Variants in SORL1 observed in about 807,000 individuals in gnomAD.
SORL1 encodes the protein sortilin related receptor 1.
SORL1 carries 127 observed loss-of-function variants against 273.7 expected under a neutral mutation model. The ratio of observed to expected loss-of-function variants is 0.46; its 90% confidence interval spans 0.40 to 0.54. SORL1 has a LOEUF of 0.54. Ranked by LOEUF, SORL1 falls within the 20% of genes least tolerant of loss-of-function variation. SORL1 has a pLI of 0.00. For synonymous variants in SORL1, 1,031 were observed against 1,067.4 expected (o/e 0.97, Z 0.66); for missense variants, 2,494 against 2,846.1 (o/e 0.88, Z 2.81).
Position 121,529,257 on chromosome 11 carries a change from C to T in SORL1, c.1597-3207C>T, listed in dbSNP as rs144825577. On this transcript the variant is annotated intron_variant, in intron 11 of 47. Coordinates refer to ENST00000260197, the MANE Select transcript of SORL1 (RefSeq NM_003105.6). The stretch of plus-strand genomic sequence containing the variant: ...TTTGAGTTGGTGTCTTACTCTGTCA[C>T]CCAGGCTGGAGTGCAATGGTATGAT... 5.3e-5 allele frequency among the ~76,000 whole-genome samples: 8 copies of T among 152,260 alleles called. 1 individual carries two copies. In the East Asian group the frequency reaches 1.5e-3, roughly 29 times the overall value.
At chr11:121,623,336 T>C (rs577622282) in intron 45 of SORL1, among the ~76,000 whole-genome samples, 27 of 152,222 alleles carry the variant, frequency 1.8e-4, no homozygotes, top group Non-Finnish European at 2.9e-4. Context: ...GAATATGAAT[T>C]GGTTCAAACT....
chr11:121,577,117 G>A, intron 24 of SORL1, 164 bp from the exon 25 acceptor site: 1 of 1,120,800 alleles, frequency 8.9e-7, no homozygotes, highest in Non-Finnish European at 1.3e-6. Context: ...ACTGGAAGCT[G>A]TTAAATGACC....
rs763929406 is a variant in SORL1, at chr11:121,469,993, T to C, written c.286-14T>C. 8.3e-6 allele frequency: 13 copies of C among 1,572,740 alleles called. No homozygotes were observed. Among genetic ancestry groups the C allele is most frequent in the Non-Finnish European group, 9.6e-6 (11 of 1,142,252 alleles). ...CTTATCGTGGGTCCTAATTCCTACA[T>C]TGATCTCTTTCAGGTTAGTCTGAAT... On this transcript the variant is annotated splice_polypyrimidine_tract_variant and intron_variant, in intron 1 of 47. Coordinates refer to ENST00000260197, the MANE Select transcript of SORL1 (RefSeq NM_003105.6).
chr11:121,576,895 G>A (rs781201650), intron 24 of SORL1: 1 of 1,535,676 alleles, frequency 6.5e-7, no homozygotes, highest in South Asian at 1.2e-5. Context: ...GGCTGTGTCT[G>A]TAGGAGTCCT....
chr11:121,524,901 TC>T (rs1862097910), intron 11 of SORL1, among the ~76,000 whole-genome samples: 1 of 151,972 alleles, frequency 6.6e-6, no homozygotes, highest in Admixed American at 6.6e-5. Flanking sequence ...TCCTCAGAAT[TC>T]CGTTTTTGTG....
chr11:121,520,631 C>T, intron 8 of SORL1, 26 bp from the exon 9 acceptor site: 1 of 1,483,796 alleles, frequency 6.7e-7, no homozygotes, highest in Non-Finnish European at 9.1e-7. Context: ...AATTCAGGTT[C>T]ATAGCTGTTT....
intron 5 of SORL1, among the ~76,000 whole-genome samples, chr11:121,492,869 T>A (rs1861575792): frequency 1.3e-5 from 2 of 151,264 alleles, no homozygotes; most frequent in Non-Finnish European, 2.9e-5. Flanking sequence ...AGTGGCGTGA[T>A]CTTGGCTCAC....
intron 45 of SORL1, 40 bp downstream of exon 45, chr11:121,622,308 A>G (rs760548499): frequency 5.3e-6 from 6 of 1,136,108 alleles, no homozygotes; most frequent in African/African-American, 1.5e-5. Context: ...TGGAAATTTA[A>G]TTGAAATGCT....
At position 121,558,615 on chromosome 11, in the gene SORL1, A is replaced by T. The variant is rs755489248; in HGVS notation, c.2688A>T (p.Gly896=). 1 of 1,614,078 alleles carries T rather than the reference A, an allele frequency of 6.2e-7. No individual in the cohort carries two copies. The highest frequency in any genetic ancestry group is 8.5e-7 in the Non-Finnish European group (1 of 1,180,004). The change falls in exon 20 of 48, where the codon GGA becomes GGT. Residue 896 remains glycine (G), a synonymous_variant. Transcript: ENST00000260197. ...QEGVMFWTDW[G]DLKPGIYRSN... ...GGGTGATGTTCTGGACAGACTGGGG[A>T]GACCTGAAGCCTGGGATTTATCGGA...
chr11:121,629,213 G>C (rs893536839), intron 47 of SORL1: 6 of 434,874 alleles, frequency 1.4e-5, no homozygotes, highest in Non-Finnish European at 2.5e-5. Context: ...TTTTGAGTAG[G>C]TAATAAGAGT....
Position 121,478,242 on chromosome 11 carries a change from GGGTAA to G in SORL1, c.528+2_528+6del. 1 of 1,613,814 alleles carries G rather than the reference GGGTAA, an allele frequency of 6.2e-7. No homozygotes were observed. Among genetic ancestry groups the G allele is most frequent in the South Asian group, 1.1e-5 (1 of 91,064 alleles). ...TACCACAGCCCTGCGGACAACAAGC[GGGTAA>G]GGAAGTGGCCATCCCTCCTGTCCCG... On this transcript the variant is annotated splice_donor_variant and splice_donor_region_variant and coding_sequence_variant and intron_variant, in exon 3 of 48. Transcript: ENST00000260197. LOFTEE classifies it high-confidence loss of function.
At chr11:121,481,266 C>A (rs1861380158) in intron 3 of SORL1, among the ~76,000 whole-genome samples, 1 of 114,530 alleles carries the variant, frequency 8.7e-6, no homozygotes, top group Non-Finnish European at 1.8e-5. Flanking sequence ...AGCTCCTCCC[C>A]TAGTGCACAG....
chr11:121,575,547 T>C (rs962516646), intron 24 of SORL1, among the ~76,000 whole-genome samples: 4 of 152,226 alleles, frequency 2.6e-5, no homozygotes, highest in African/African-American at 9.6e-5. Flanking sequence ...TCACAGCAGC[T>C]GAAATAAGGG....
At chr11:121,559,310 T>C (rs921702072) in intron 20 of SORL1, among the ~76,000 whole-genome samples, 1 of 152,218 alleles carries the variant, frequency 6.6e-6, no homozygotes, top group Non-Finnish European at 1.5e-5. Context: ...GCTTATCAGA[T>C]AGTTTCTTTT....
intron 35 of SORL1, among the ~76,000 whole-genome samples, chr11:121,606,552 A>G (rs1165863769): frequency 6.6e-6 from 1 of 152,206 alleles, no homozygotes; most frequent in African/African-American, 2.4e-5. Context: ...TGGAAGTCTC[A>G]GGGTCAGTGG....
Position 121,452,325 on chromosome 11 carries a change from C to A in SORL1, c.-7C>A, listed in dbSNP as rs749773793. 1.3e-6 allele frequency: 2 copies of A among 1,530,224 alleles called. No homozygotes were observed. Among genetic ancestry groups the A allele is most frequent in the Non-Finnish European group, 1.7e-6 (2 of 1,142,882 alleles). The allele number at this position is 1,530,224 out of a possible 1,614,324, so 94.8% of individuals were successfully genotyped here. On this transcript the variant is annotated 5_prime_UTR_variant, in exon 1 of 48. Transcript: ENST00000260197. The surrounding 1 kb of genome is among the most constrained non-coding windows in gnomAD (Gnocchi z 5.3). ...GCGGCGCCACCTGCAGTAGCGTTCG[C>A]CCGAACATGGCGACACGGAGCAGCA...
At chr11:121,487,577 A>G (rs1388095972) in intron 3 of SORL1, among the ~76,000 whole-genome samples, 2 of 152,186 alleles carry the variant, frequency 1.3e-5, no homozygotes, top group Non-Finnish European at 2.9e-5. Context: ...CTGGAAAGCC[A>G]TGTCCCATAG....
At chr11:121,580,794 G>A in intron 25 of SORL1, among the ~76,000 whole-genome samples, 1 of 151,466 alleles carries the variant, frequency 6.6e-6, no homozygotes, top group East Asian at 1.9e-4. Context: ...TTGTAGAGAT[G>A]GGGTTTTGCC....
chr11:121,453,307 T>C (rs538235258), intron 1 of SORL1, among the ~76,000 whole-genome samples: 3 of 152,280 alleles, frequency 2.0e-5, no homozygotes, highest in African/African-American at 7.2e-5. Flanking sequence ...TTGGTGGGCA[T>C]TATTATTCTA....
Sources: allele counts gnomAD v4.1 joint callset (sites outside exome capture counted in the v4.1 genomes callset), GRCh38; gene constraint gnomAD v4.1.1; non-coding constraint Gnocchi (gnomAD v3.1); transcripts MANE v1.5; gene names NCBI Gene and HGNC (gene_info 2026-07-23, HGNC 2026-07-21).